The following STRN3 variants were observed in gnomAD, a reference collection of about 807,000 sequenced individuals.
The protein encoded by STRN3 is striatin 3, also known as striatin-3.
In STRN3, 29 loss-of-function variants were observed where a neutral mutation model predicts 95.6. The observed-to-expected ratio is 0.30, with a 90% CI of 0.23 to 0.41. The LOEUF (loss-of-function observed/expected upper bound fraction) is 0.41, where lower values mean the gene tolerates loss of function less well. STRN3 is among the 10% of genes least tolerant of loss of function. The pLI is 1.00. For missense variants in STRN3, 890 were observed against 972.1 expected (o/e 0.92, Z 1.12); for synonymous variants, 331 against 357.6 (o/e 0.93, Z 0.84).
chr14:30,972,002 A>G (rs555050201), intron 1 of STRN3, among the ~76,000 whole-genome samples: 126 of 152,284 alleles, frequency 8.3e-4, no homozygotes, highest in Non-Finnish European at 1.4e-3. Flanking sequence ...AGACATGTTA[A>G]AAAAAAGTTT....
intron 8 of STRN3, among the ~76,000 whole-genome samples, chr14:30,924,095 CACTT>C (rs993929173): frequency 4.0e-5 from 6 of 151,132 alleles, no homozygotes; most frequent in South Asian, 2.1e-4. Context: ...ATTGCATCAA[CACTT>C]ACTTCTTGAT....
At chr14:31,013,814 C>T (rs950783150) in intron 1 of STRN3, among the ~76,000 whole-genome samples, 6 of 150,362 alleles carry the variant, frequency 4.0e-5, no homozygotes, top group African/African-American at 2.5e-5. Flanking sequence ...AGGCTGGTCT[C>T]GAACTCCTGG....
At chr14:30,950,367 A>G (rs1016408539) in intron 4 of STRN3, among the ~76,000 whole-genome samples, 4 of 152,182 alleles carry the variant, frequency 2.6e-5, no homozygotes, top group African/African-American at 9.7e-5. Flanking sequence ...TTCAAAATAT[A>G]AGGAAAATAA....
intron 1 of STRN3, among the ~76,000 whole-genome samples, chr14:30,956,495 A>T (rs1297452876): frequency 6.6e-6 from 1 of 152,098 alleles, no homozygotes; most frequent in Non-Finnish European, 1.5e-5. Context: ...TCTACAAAAA[A>T]TTTTTTAAAT....
In STRN3 at chr14:30,980,112, G is replaced by C. The variant is rs1881315775; in HGVS notation, c.283-23870C>G. Among the ~76,000 whole-genome samples, 4 of 151,782 alleles carry C rather than the reference G, an allele frequency of 2.6e-5. No individual in the cohort carries two copies. In the South Asian group the frequency reaches 8.3e-4, roughly 31 times the overall value. On this transcript the variant is annotated intron_variant, in intron 1 of 17. Coordinates refer to ENST00000357479, the MANE Select transcript of STRN3 (RefSeq NM_001083893.2). ...AAAATACAAAAATTAGCCAGACATA[G>C]TGTGTGCCTATAATCCCAGCTACTC... is the stretch of plus-strand genomic sequence containing the variant.
intron 5 of STRN3, among the ~76,000 whole-genome samples, chr14:30,942,373 T>C (rs1299777765): frequency 6.6e-6 from 1 of 152,190 alleles, no homozygotes; most frequent in Non-Finnish European, 1.5e-5. Flanking sequence ...CAACTATTTA[T>C]TTACTACCCT....
chr14:30,932,719 T>C (rs1878603999), intron 7 of STRN3, among the ~76,000 whole-genome samples: 2 of 152,166 alleles, frequency 1.3e-5, no homozygotes, highest in South Asian at 4.1e-4. Flanking sequence ...CGGTTGTACA[T>C]AATATAGAAA....
chr14:30,911,652 C>T lies in STRN3; in HGVS notation c.1598+125G>A, dbSNP rs1334678233. ...TCTCACCAATACAATTATTAAATAG[C>T]TATTATTCAAGTAATACATCTTTTC... On this transcript the variant is annotated intron_variant, in intron 12 of 17. Transcript: ENST00000357479. 6 of 820,360 alleles carry T rather than the reference C, an allele frequency of 7.3e-6. No homozygotes were observed. The South Asian group carries it at 1.2e-4, about 16-fold the overall frequency. 50.8% of individuals were successfully genotyped at this position (820,360 alleles called of 1,614,324 possible). A position where few individuals can be genotyped will look rare whatever the true frequency, so the allele number is the denominator to read the frequency against.
intron 4 of STRN3, among the ~76,000 whole-genome samples, chr14:30,948,724 T>A (rs1204436691): frequency 1.3e-5 from 2 of 152,176 alleles, no homozygotes; most frequent in Non-Finnish European, 2.9e-5. Context: ...TTTAACAAGT[T>A]TAGCTATAAA....
chr14:30,898,173 C>T (rs1440473907), intron 16 of STRN3, among the ~76,000 whole-genome samples: 3 of 151,958 alleles, frequency 2.0e-5, no homozygotes, highest in Non-Finnish European at 4.4e-5. Flanking sequence ...GACAGAATCC[C>T]GTATTGTTGC....
At chr14:31,006,831 C>G (rs1882740872) in intron 1 of STRN3, among the ~76,000 whole-genome samples, 1 of 151,982 alleles carries the variant, frequency 6.6e-6, no homozygotes, top group African/African-American at 2.4e-5. Flanking sequence ...GTTAATGTAG[C>G]CTGGTGCAAC....
chr14:30,996,609 T>C (rs1331433054), intron 1 of STRN3, among the ~76,000 whole-genome samples: 1 of 152,228 alleles, frequency 6.6e-6, no homozygotes, highest in African/African-American at 2.4e-5. Flanking sequence ...GGCTCATGCC[T>C]GTAATCCTAG....
At chr14:30,909,270 T>G (rs148040422) in intron 13 of STRN3, among the ~76,000 whole-genome samples, 2,946 of 152,256 alleles carry the variant, frequency 0.019, 88 homozygotes, top group African/African-American at 0.067. Context: ...TTTGGGAGGC[T>G]GAGGCAGGCA....
chr14:30,917,596 C>T (rs376376757), intron 9 of STRN3, among the ~76,000 whole-genome samples: 1 of 150,308 alleles, frequency 6.7e-6, no homozygotes, highest in African/African-American at 2.4e-5. Flanking sequence ...TTAGAAAATA[C>T]TTCTAAAGTA....
chr14:30,993,743 G>A (rs567651541), intron 1 of STRN3, among the ~76,000 whole-genome samples: 228 of 151,546 alleles, frequency 1.5e-3, no homozygotes, highest in African/African-American at 5.3e-3. Flanking sequence ...GCAATAGTGC[G>A]ATCTCGGCTC....
intron 4 of STRN3, 58 bp from the exon 5 acceptor site, chr14:30,947,321 A>AT (rs1879413631): frequency 7.4e-7 from 1 of 1,356,130 alleles, no homozygotes; most frequent in Non-Finnish European, 9.9e-7. Flanking sequence ...CAGACTCAAA[A>AT]TCACATCAAA....
chr14:31,006,956 C>G (rs1882747125), intron 1 of STRN3, among the ~76,000 whole-genome samples: 1 of 152,230 alleles, frequency 6.6e-6, no homozygotes, highest in Middle Eastern at 3.4e-3. Flanking sequence ...CGACTGCACT[C>G]CAGCCTGGGC....
At chr14:30,916,667 T>C (rs1896748819) in intron 9 of STRN3, among the ~76,000 whole-genome samples, 1 of 152,168 alleles carries the variant, frequency 6.6e-6, no homozygotes, top group Non-Finnish European at 1.5e-5. Flanking sequence ...TGGGCTCAAG[T>C]GATCCTCCTG....
intron 16 of STRN3, among the ~76,000 whole-genome samples, chr14:30,896,873 A>T (rs1896167948): frequency 6.6e-6 from 1 of 152,262 alleles, no homozygotes; most frequent in South Asian, 2.1e-4. Flanking sequence ...GGAATTCAAC[A>T]GCAAGTAGAA....
Sources: allele counts gnomAD v4.1 joint callset (sites outside exome capture counted in the v4.1 genomes callset), GRCh38; gene constraint gnomAD v4.1.1; transcripts MANE v1.5; gene names NCBI Gene and HGNC (gene_info 2026-07-23, HGNC 2026-07-21).